Variants in INPP4B observed in about 807,000 individuals in gnomAD.
INPP4B encodes the protein inositol polyphosphate-4-phosphatase type II B.
In INPP4B, 55 loss-of-function variants were observed where a neutral mutation model predicts 122.5. That is an observed-to-expected ratio of 0.45 (90% CI 0.36 to 0.56). The LOEUF (loss-of-function observed/expected upper bound fraction) is 0.56, where lower values mean the gene tolerates loss of function less well. Among genes scored for constraint, INPP4B ranks in the 20% least tolerant of loss-of-function variants. The probability of loss-of-function intolerance (pLI) is 0.00; values close to 1 mark genes in which losing one functional copy is unlikely to be tolerated. For missense variants in INPP4B, 1,000 were observed against 1,097.7 expected, an observed-to-expected ratio of 0.91 and a Z score of 1.26; for synonymous variants, 403 against 388.7, an observed-to-expected ratio of 1.04 and a Z score of -0.43.
intron 23 of INPP4B, among the ~76,000 whole-genome samples, chr4:142,086,554 A>G (rs991883220): frequency 1.3e-5 from 2 of 152,000 alleles, no homozygotes; most frequent in Admixed American, 6.6e-5. Context: ...GGGTTTGGCC[A>G]TTGTCACCCA....
chr4:142,578,376 T>C (rs1734297457), intron 2 of INPP4B, among the ~76,000 whole-genome samples: 1 of 151,996 alleles, frequency 6.6e-6, no homozygotes, highest in South Asian at 2.1e-4. Flanking sequence ...ATTAGTCTGC[T>C]AGGGCTGCCT....
At chr4:142,666,758 C>T (rs544423108) in intron 2 of INPP4B, among the ~76,000 whole-genome samples, 2 of 152,216 alleles carry the variant, frequency 1.3e-5, no homozygotes, top group African/African-American at 4.8e-5. Flanking sequence ...AGGATGAAGA[C>T]AAATGCAATC....
At chr4:142,340,412 C>CTCCCTT (rs112269343) in intron 7 of INPP4B, among the ~76,000 whole-genome samples, 1 of 151,528 alleles carries the variant, frequency 6.6e-6, no homozygotes, top group Non-Finnish European at 1.5e-5. Flanking sequence ...TTTTTTTTCT[C>CTCCCTT]TTTAAAATTT....
intron 21 of INPP4B, among the ~76,000 whole-genome samples, chr4:142,113,909 A>C (rs1417103792): frequency 1.3e-5 from 2 of 151,960 alleles, no homozygotes; most frequent in Non-Finnish European, 2.9e-5. Flanking sequence ...ATCCAGGTTT[A>C]GTACATTTCC....
At chr4:142,313,445 T>C (rs1020079082) in intron 8 of INPP4B, among the ~76,000 whole-genome samples, 2 of 152,084 alleles carry the variant, frequency 1.3e-5, no homozygotes, top group Admixed American at 1.3e-4. Context: ...AGAGTATGCA[T>C]TTAGGATGGA....
At chr4:142,700,722 A>C (rs931530870) in intron 2 of INPP4B, among the ~76,000 whole-genome samples, 15 of 151,886 alleles carry the variant, frequency 9.9e-5, no homozygotes, top group African/African-American at 3.6e-4. Context: ...TCAGATTATA[A>C]TCTTTTCTTA....
chr4:142,435,027 G>T (rs1810130552), intron 3 of INPP4B, among the ~76,000 whole-genome samples: 1 of 152,180 alleles, frequency 6.6e-6, no homozygotes, highest in Non-Finnish European at 1.5e-5. Flanking sequence ...AGATGGGGGA[G>T]CAGTGACTGG....
At chr4:142,265,350 T>C (rs572464064) in intron 10 of INPP4B, among the ~76,000 whole-genome samples, 9 of 152,322 alleles carry the variant, frequency 5.9e-5, no homozygotes, top group East Asian at 1.9e-4. Flanking sequence ...GAAAGCAATG[T>C]TATTTTAGGA....
chr4:142,678,923 T>C (rs1758192634), intron 2 of INPP4B, among the ~76,000 whole-genome samples: 1 of 151,942 alleles, frequency 6.6e-6, no homozygotes, highest in Non-Finnish European at 1.5e-5. Context: ...ATTTATCTTC[T>C]CTAATCCTTA....
intron 21 of INPP4B, among the ~76,000 whole-genome samples, chr4:142,120,193 A>G (rs889365580): frequency 1.3e-5 from 2 of 148,282 alleles, no homozygotes; most frequent in African/African-American, 5.0e-5. Flanking sequence ...ATTTTGTTCT[A>G]TTAATCTACA....
intron 2 of INPP4B, among the ~76,000 whole-genome samples, chr4:142,570,329 T>C (rs188760817): frequency 5.0e-4 from 76 of 152,212 alleles, no homozygotes; most frequent in African/African-American, 1.8e-3. Flanking sequence ...ATTACACTTG[T>C]TCCTATAGCC....
At chr4:142,612,154 G>A (rs1452297337) in intron 2 of INPP4B, among the ~76,000 whole-genome samples, 2 of 152,156 alleles carry the variant, frequency 1.3e-5, no homozygotes. Context: ...GGAGAGGAGT[G>A]TTTGCTGGTT....
chr4:142,683,116 T>C (rs1758867898), intron 2 of INPP4B, among the ~76,000 whole-genome samples: 1 of 151,898 alleles, frequency 6.6e-6, no homozygotes, highest in South Asian at 2.1e-4. Context: ...AAGTCTCCTT[T>C]AAAACAGTAC....
At chr4:142,034,484 T>G (rs955123818) in intron 25 of INPP4B, among the ~76,000 whole-genome samples, 4 of 151,904 alleles carry the variant, frequency 2.6e-5, no homozygotes, top group Admixed American at 6.6e-5. Flanking sequence ...TTTCCACATC[T>G]CCTGTCTCCA....
At chr4:142,184,548 C>T (rs1375953794) in intron 15 of INPP4B, among the ~76,000 whole-genome samples, 2 of 152,108 alleles carry the variant, frequency 1.3e-5, no homozygotes, top group Non-Finnish European at 1.5e-5. Context: ...TGGCAGGCAA[C>T]ACTTTGATGT....
chr4:142,708,121 T>C (rs1224758445), intron 2 of INPP4B, among the ~76,000 whole-genome samples: 1 of 152,180 alleles, frequency 6.6e-6, no homozygotes, highest in Non-Finnish European at 1.5e-5. Context: ...GTTTTGGGTA[T>C]CTGGTGGAAA....
chr4:142,750,603 A>T (rs1165139194), intron 1 of INPP4B, among the ~76,000 whole-genome samples: 1 of 152,138 alleles, frequency 6.6e-6, no homozygotes, highest in Non-Finnish European at 1.5e-5. Flanking sequence ...TAAGCTGGGA[A>T]CAAAGCTTGG....
intron 2 of INPP4B, among the ~76,000 whole-genome samples, chr4:142,553,830 C>T (rs1580354281): frequency 6.6e-6 from 1 of 152,138 alleles, no homozygotes; most frequent in East Asian, 1.9e-4. Flanking sequence ...ACATACCTTC[C>T]CCTTGATTTT....
At chr4:142,404,113 T>A (rs2149174692) in intron 6 of INPP4B, among the ~76,000 whole-genome samples, 1 of 152,302 alleles carries the variant, frequency 6.6e-6, no homozygotes, top group Non-Finnish European at 1.5e-5. Context: ...TTCATATGAA[T>A]AAGATTATTT....
Sources: allele counts gnomAD v4.1 joint callset (sites outside exome capture counted in the v4.1 genomes callset), GRCh38; gene constraint gnomAD v4.1.1; transcripts MANE v1.5; gene names NCBI Gene and HGNC (gene_info 2026-07-23, HGNC 2026-07-21).